EIF2AK4: variants seen among roughly 807,000 people sequenced by gnomAD.
The protein encoded by EIF2AK4 is eIF-2-alpha kinase GCN2.
In EIF2AK4, 139 loss-of-function variants were observed where a neutral mutation model predicts 211.1. That is an observed-to-expected ratio of 0.66 (90% CI 0.57 to 0.76). The LOEUF (loss-of-function observed/expected upper bound fraction) is 0.76. Ranked by LOEUF, EIF2AK4 falls within the 30% of genes least tolerant of loss-of-function variation. The pLI is 0.00. For synonymous variants in EIF2AK4, 710 were observed against 751.3 expected (o/e 0.94, Z 0.90); for missense variants, 1,664 against 2,043.8 (o/e 0.81, Z 3.58).
intron 1 of EIF2AK4, among the ~76,000 whole-genome samples, chr15:39,937,075 A>G (rs2034075325): frequency 6.6e-6 from 1 of 152,224 alleles, no homozygotes; most frequent in African/African-American, 2.4e-5. Context: ...AAGTTTAGAC[A>G]CTGCTAGTTT....
rs778221144 is a variant in EIF2AK4 at position 40,019,078 on chromosome 15, T to C, written c.4066-15T>C. On this transcript the variant is annotated splice_polypyrimidine_tract_variant and intron_variant, in intron 29 of 38. Transcript: ENST00000263791. ...TTCCTATTTCATAACCATAACTGTT[T>C]GTGTCTCTCCACAGATTCCCCAGTT... 43 of 1,579,386 alleles carry C rather than the reference T, an allele frequency of 2.7e-5. No individual in the cohort carries two copies. The South Asian group carries it at 4.7e-4, about 17-fold the overall frequency.
At position 40,019,078 on chromosome 15, in the gene EIF2AK4, T is replaced by G. The variant is rs778221144; in HGVS notation, c.4066-15T>G. ...TTCCTATTTCATAACCATAACTGTTTGTGTCTCTCCACAGATTCCCCAGTT... is the reference window on the plus strand; with the variant it reads ...TTCCTATTTCATAACCATAACTGTTGGTGTCTCTCCACAGATTCCCCAGTT... On this transcript the variant is annotated splice_polypyrimidine_tract_variant and intron_variant, in intron 29 of 38. Coordinates refer to ENST00000263791, the MANE Select transcript of EIF2AK4 (RefSeq NM_001013703.4). 7 of 1,579,386 alleles carry G rather than the reference T, an allele frequency of 4.4e-6. No homozygotes were observed. The highest frequency in any genetic ancestry group is 6.1e-6 in the Non-Finnish European group (7 of 1,155,238).
At chr15:40,004,840 G>A (rs912213051) in intron 23 of EIF2AK4, among the ~76,000 whole-genome samples, 6 of 152,124 alleles carry the variant, frequency 3.9e-5, no homozygotes, top group Non-Finnish European at 8.8e-5. Context: ...ACAGGCATGA[G>A]CCGCCATGCC....
At position 39,992,171 on chromosome 15, in the gene EIF2AK4, T is replaced by C; in HGVS notation, c.2632-4T>C. The C allele has an allele frequency of 6.2e-7, 1 of 1,611,222 alleles. No homozygotes were observed. The highest frequency in any genetic ancestry group is 1.1e-5 in the South Asian group (1 of 90,394). ...TTGGATATTTGGCTTACTTATATTT[T>C]TAGGCTGACAGCAAACAAGACGATC... On this transcript the variant is annotated splice_region_variant and splice_polypyrimidine_tract_variant and intron_variant, in intron 16 of 38. Coordinates refer to ENST00000263791, the MANE Select transcript of EIF2AK4 (RefSeq NM_001013703.4).
chr15:39,951,702 C>A, intron 4 of EIF2AK4: 2 of 189,696 alleles, frequency 1.1e-5, no homozygotes, highest in South Asian at 1.8e-4. Flanking sequence ...GTCTTGCAAG[C>A]GGCTTTCTGT....
chr15:40,016,872 A>G (rs1429305359), intron 28 of EIF2AK4, among the ~76,000 whole-genome samples, 200 bp downstream of exon 28: 1 of 152,252 alleles, frequency 6.6e-6, no homozygotes, highest in Non-Finnish European at 1.5e-5. Context: ...TGTTCCTATC[A>G]TGAAGCAGTT....
chr15:40,002,909 CATCAT>C (rs2035112023), intron 22 of EIF2AK4, 121 bp downstream of exon 22: 3 of 1,154,510 alleles, frequency 2.6e-6, no homozygotes, highest in Non-Finnish European at 3.7e-6. Context: ...AAATAATTGA[CATCAT>C]ATGGAATTTA....
chr15:39,935,540 G>A (rs1375396412), intron 1 of EIF2AK4, among the ~76,000 whole-genome samples: 4 of 151,790 alleles, frequency 2.6e-5, no homozygotes, highest in Non-Finnish European at 5.9e-5. Context: ...TCTGTTGCCC[G>A]GGCTGGTATC....
At position 39,967,404 on chromosome 15, in the gene EIF2AK4, C is replaced by T. The variant is rs750055012; in HGVS notation, c.1078C>T (p.Arg360Cys). 1.1e-5 allele frequency: 18 copies of T among 1,612,524 alleles called. No homozygotes were observed. The highest frequency in any genetic ancestry group is 2.7e-5 in the African/African-American group (2 of 74,396). The change falls in exon 9 of 39, where the codon CGC becomes TGC. Residue 360 changes from arginine (R) to cysteine (C), a missense_variant. Physicochemically the swap from Arg to Cys is radical, Grantham distance 180. Coordinates refer to ENST00000263791, the MANE Select transcript of EIF2AK4 (RefSeq NM_001013703.4). ...LVKLSHPNVV[R>C]YLAMNLKEQD... ...AAAATTGAGCCATCCAAATGTAGTA[C>T]GCTACCTTGCAATGAATCTCAAAGA...
intron 4 of EIF2AK4, among the ~76,000 whole-genome samples, chr15:39,952,552 AG>A (rs1222540154): frequency 6.6e-6 from 1 of 152,106 alleles, no homozygotes; most frequent in Non-Finnish European, 1.5e-5. Context: ...TTAGGATTAC[AG>A]GCATGAGCCA....
At position 39,950,092 on chromosome 15, in the gene EIF2AK4, TA is replaced by T. The variant is rs1158315906; in HGVS notation, c.513+825del. ...ATCTAGAACTTACTTTGATTCAGGTTATAAAAAAAGCCTAAGTATATTTTTC... is the reference window on the plus strand; with the variant it reads ...ATCTAGAACTTACTTTGATTCAGGTTTAAAAAAAGCCTAAGTATATTTTTC... On this transcript the variant is annotated intron_variant, in intron 4 of 38. Coordinates refer to ENST00000263791, the MANE Select transcript of EIF2AK4 (RefSeq NM_001013703.4). Among the ~76,000 whole-genome samples, 3 of 152,246 alleles carry T rather than the reference TA, an allele frequency of 2.0e-5. No individual in the cohort carries two copies. In the East Asian group the frequency reaches 5.8e-4, roughly 29 times the overall value.
chr15:39,969,347 TTTCTTA>T (rs2034589149), intron 9 of EIF2AK4, among the ~76,000 whole-genome samples: 1 of 145,004 alleles, frequency 6.9e-6, no homozygotes. Flanking sequence ...ATCAGCACAA[TTTCTTA>T]TTCTTTTTTT....
rs115180445 is a variant in EIF2AK4, at chr15:40,023,967, A to G, written c.4389+1362A>G. The stretch of plus-strand genomic sequence containing the variant: ...TTTTTACATTCTTTGTTAAAAAACA[A>G]CAACAAACAAAGGAGAGTGTGTGAC... On this transcript the variant is annotated intron_variant, in intron 32 of 38. Transcript: ENST00000263791. Among the ~76,000 whole-genome samples the G allele has an allele frequency of 2.7e-3, 404 of 152,360 alleles. 1 individual carries two copies. Among genetic ancestry groups the G allele is most frequent in the African/African-American group, 9.4e-3 (392 of 41,590 alleles).
chr15:39,939,810 G>A (rs901549541), intron 2 of EIF2AK4, among the ~76,000 whole-genome samples, 193 bp downstream of exon 2: 2 of 152,176 alleles, frequency 1.3e-5, no homozygotes, highest in Non-Finnish European at 2.9e-5. Flanking sequence ...CCTGTTCATA[G>A]TTATAGAATT....
intron 22 of EIF2AK4, 44 bp from the exon 23 acceptor site, chr15:40,003,149 G>C (rs1307739892): frequency 1.2e-6 from 2 of 1,607,622 alleles, no homozygotes; most frequent in South Asian, 1.1e-5. Context: ...CTTCTAAGGA[G>C]AATGTGAACC....
chr15:40,009,337 C>G (rs918496511), intron 25 of EIF2AK4, among the ~76,000 whole-genome samples: 1 of 152,014 alleles, frequency 6.6e-6, no homozygotes. Context: ...GATCCTCCAA[C>G]CTTGGCCTCC....
intron 27 of EIF2AK4, among the ~76,000 whole-genome samples, chr15:40,015,502 A>G (rs1348177878): frequency 6.6e-6 from 1 of 152,152 alleles, no homozygotes; most frequent in Non-Finnish European, 1.5e-5. Flanking sequence ...TCATGAGACT[A>G]TCATGGGAAG....
At chr15:39,986,699 C>CA (rs1045597112) in intron 14 of EIF2AK4, among the ~76,000 whole-genome samples, 27 of 152,136 alleles carry the variant, frequency 1.8e-4, no homozygotes, top group Admixed American at 1.2e-3. Flanking sequence ...ACTAAAAATA[C>CA]AAAAAATTAG....
At chr15:39,946,570 A>G in intron 3 of EIF2AK4, 1 of 702,226 alleles carries the variant, frequency 1.4e-6, no homozygotes, top group Non-Finnish European at 2.6e-6. Context: ...GATATTTCAT[A>G]AACTTTGTTT....
Sources: allele counts gnomAD v4.1 joint callset (sites outside exome capture counted in the v4.1 genomes callset), GRCh38; gene constraint gnomAD v4.1.1; transcripts MANE v1.5; gene names NCBI Gene and HGNC (gene_info 2026-07-23, HGNC 2026-07-21).